Variants in MRPS35 observed in about 807,000 individuals in gnomAD.
MRPS35 encodes the protein mitochondrial ribosomal protein S35.
A neutral mutation model predicts 32.7 loss-of-function variants in MRPS35; 29 were observed. The ratio of observed to expected loss-of-function variants is 0.89; its 90% CI spans 0.66 to 1.21. The LOEUF (loss-of-function observed/expected upper bound fraction) is 1.21, where lower values mean the gene tolerates loss of function less well. Among genes scored for constraint, MRPS35 ranks in the 50% most tolerant of loss-of-function variants. The pLI is 0.00. For missense variants in MRPS35, 373 were observed against 383.8 expected (o/e 0.97, Z 0.23); for synonymous variants, 148 against 139.3 (o/e 1.06, Z -0.44).
intron 7 of MRPS35, among the ~76,000 whole-genome samples, chr12:27,753,404 C>T (rs1190662505): frequency 6.6e-6 from 1 of 152,084 alleles, no homozygotes; most frequent in Admixed American, 6.6e-5. Flanking sequence ...CTCCTCTTTA[C>T]CCTTGGAGGA....
At chr12:27,746,153 A>G (rs539873192) in intron 7 of MRPS35, among the ~76,000 whole-genome samples, 2 of 152,342 alleles carry the variant, frequency 1.3e-5, no homozygotes, top group African/African-American at 4.8e-5. Context: ...AAAGCTCCAC[A>G]GGTGATTCTG....
chr12:27,732,565 A>G (rs2061925656), intron 5 of MRPS35, among the ~76,000 whole-genome samples: 1 of 152,236 alleles, frequency 6.6e-6, no homozygotes, highest in Non-Finnish European at 1.5e-5. Flanking sequence ...GGACTAAAGC[A>G]CATGCAGTCC....
chr12:27,732,991 T>TATATATATATATATATATATATAA (rs2061927920), intron 5 of MRPS35, among the ~76,000 whole-genome samples: 3 of 252 alleles, frequency 0.012, no homozygotes, highest in Non-Finnish European at 0.039. Context: ...TTTGAAGATA[T>TATATATATATATATATATATATAA]ATATATATAT....
chr12:27,755,321 AG>A lies in MRPS35; in HGVS notation c.844del (p.Glu282SerfsTer35). On this transcript the variant is annotated frameshift_variant, in exon 8 of 8. Transcript: ENST00000081029. LOFTEE classifies it low-confidence loss of function (END_TRUNC). ...AGAAAAATATGGAAATAAATAAAGA[AG>A]AGCTCCTTGGTACTAAAGAAATTGA... ...AEKNMEINKE[E>X]LLGTKEIEEY... 6.2e-7 allele frequency: 1 copy of A among 1,612,640 alleles called. No homozygotes were observed. The highest frequency in any genetic ancestry group is 8.5e-7 in the Non-Finnish European group (1 of 1,179,734).
chr12:27,736,608 A>G (rs2061944247), intron 6 of MRPS35, among the ~76,000 whole-genome samples: 2 of 152,052 alleles, frequency 1.3e-5, no homozygotes, highest in Non-Finnish European at 2.9e-5. Context: ...TAAGCAGTAT[A>G]GTTGAAGTTA....
intron 7 of MRPS35, among the ~76,000 whole-genome samples, chr12:27,753,327 G>A (rs759557522): frequency 7.2e-5 from 11 of 152,134 alleles, no homozygotes; most frequent in Admixed American, 1.3e-4. Context: ...CTTTCGCCTC[G>A]GTGATCTGAG....
intron 3 of MRPS35, among the ~76,000 whole-genome samples, chr12:27,718,728 A>T (rs1023778885): frequency 3.9e-5 from 6 of 152,214 alleles, no homozygotes; most frequent in Admixed American, 6.5e-5. Context: ...TAAAATGTTT[A>T]TTATGTACAA....
chr12:27,715,234 C>G (rs1161681784), intron 2 of MRPS35, among the ~76,000 whole-genome samples: 2 of 152,212 alleles, frequency 1.3e-5, no homozygotes, highest in African/African-American at 2.4e-5. Context: ...CTCCCGGGTT[C>G]AAGTGGTTCT....
chr12:27,744,757 C>G (rs1445142050), intron 7 of MRPS35, among the ~76,000 whole-genome samples: 1 of 152,188 alleles, frequency 6.6e-6, no homozygotes, highest in Non-Finnish European at 1.5e-5. Context: ...TAAAGTGTAA[C>G]TACGTGCCAC....
chr12:27,721,407 T>C (rs1008438371), intron 4 of MRPS35, among the ~76,000 whole-genome samples: 1 of 152,152 alleles, frequency 6.6e-6, no homozygotes, highest in Non-Finnish European at 1.5e-5. Context: ...CCTGTAATGC[T>C]CGCACTTTGG....
chr12:27,752,558 T>TAAA (rs2062009918), intron 7 of MRPS35, among the ~76,000 whole-genome samples: 2 of 152,242 alleles, frequency 1.3e-5, no homozygotes, highest in Non-Finnish European at 2.9e-5. Context: ...GTGACCGTTT[T>TAAA]ACTTAACGCT....
At chr12:27,745,097 G>A (rs1369475996) in intron 7 of MRPS35, among the ~76,000 whole-genome samples, 1 of 152,130 alleles carries the variant, frequency 6.6e-6, no homozygotes, top group Non-Finnish European at 1.5e-5. Flanking sequence ...GACTACAGGT[G>A]TGCCACCACA....
intron 5 of MRPS35, among the ~76,000 whole-genome samples, chr12:27,730,771 A>T (rs1460913257): frequency 1.3e-5 from 2 of 152,102 alleles, no homozygotes; most frequent in Non-Finnish European, 1.5e-5. Flanking sequence ...TGTGCCGGCC[A>T]TGATTTGTCA....
Position 27,716,273 on chromosome 12 carries a change from C to A in MRPS35, c.154-18C>A. On this transcript the variant is annotated intron_variant, in intron 2 of 7. Coordinates refer to ENST00000081029, the MANE Select transcript of MRPS35 (RefSeq NM_021821.4). ...ATGTGTTTATATTTAAAATACTAAACGATTTTATATTTCTTAGGCACTACC... is the reference window on the plus strand; with the variant it reads ...ATGTGTTTATATTTAAAATACTAAAAGATTTTATATTTCTTAGGCACTACC... 1.3e-6 allele frequency: 2 copies of A among 1,517,952 alleles called. No individual in the cohort carries two copies. Among genetic ancestry groups the A allele is most frequent in the Non-Finnish European group, 8.8e-7 (1 of 1,134,752 alleles). 94.0% of individuals were successfully genotyped at this position (1,517,952 alleles called of 1,614,324 possible).
intron 3 of MRPS35, 111 bp from the exon 4 acceptor site, chr12:27,719,697 T>C: frequency 1.4e-6 from 1 of 697,408 alleles, no homozygotes; most frequent in Non-Finnish European, 2.4e-6. Flanking sequence ...ACAAACAGAT[T>C]TTATTTACTA....
chr12:27,731,329 C>T (rs2061921325), intron 5 of MRPS35, among the ~76,000 whole-genome samples: 1 of 152,126 alleles, frequency 6.6e-6, no homozygotes, highest in South Asian at 2.1e-4. Flanking sequence ...CCTCCTGGGA[C>T]CCTCAAAATA....
chr12:27,726,288 T>A (rs2061900315), intron 5 of MRPS35, among the ~76,000 whole-genome samples: 1 of 152,160 alleles, frequency 6.6e-6, no homozygotes, highest in Admixed American at 6.5e-5. Context: ...CTTAGTGTAA[T>A]GTTTTCAATA....
chr12:27,729,933 T>C (rs1488959987), intron 5 of MRPS35, among the ~76,000 whole-genome samples: 1 of 152,228 alleles, frequency 6.6e-6, no homozygotes, highest in Non-Finnish European at 1.5e-5. Context: ...ACACATGGCA[T>C]ATCTTTTTCA....
At chr12:27,729,583 G>T (rs896790227) in intron 5 of MRPS35, among the ~76,000 whole-genome samples, 3 of 151,942 alleles carry the variant, frequency 2.0e-5, no homozygotes, top group Non-Finnish European at 4.4e-5. Flanking sequence ...TTATGTTAAT[G>T]GTGTATCCTA....
Sources: gnomAD v4.1 joint callset for allele counts (sites outside exome capture counted in the v4.1 genomes callset) on GRCh38, gnomAD v4.1.1 for gene constraint, MANE v1.5 for transcripts, NCBI Gene and HGNC (gene_info 2026-07-23, HGNC 2026-07-21) for gene names.